The following BBLN variants were observed in gnomAD, a reference collection of about 807,000 sequenced individuals.
The protein encoded by BBLN is bublin coiled-coil protein.
Under a neutral mutation model 7.6 loss-of-function variants are expected in BBLN, and 6 were observed. The ratio of observed to expected loss-of-function variants is 0.79; its 90% CI spans 0.43 to 1.55. The LOEUF is 1.55. BBLN is among the 40% of genes most tolerant of loss of function. The pLI, the probability that BBLN is intolerant of heterozygous loss-of-function variation, is 0.01. For missense variants in BBLN, 100 were observed against 111.1 expected (o/e 0.90, Z 0.45); for synonymous variants, 35 against 46.7 (o/e 0.75, Z 1.02).
chr9:128,160,506 G>A lies in BBLN; in HGVS notation c.79+20G>A, dbSNP rs540267767. 1.1e-5 allele frequency: 14 copies of A among 1,279,888 alleles called. No individual in the cohort carries two copies. Among genetic ancestry groups the A allele is most frequent in the African/African-American group, 1.5e-5 (1 of 64,646 alleles). 79.3% of individuals were successfully genotyped at this position (1,279,888 alleles called of 1,614,324 possible). ...AAGCAGGTGACCCGAGGGGGCTGCT[G>A]GAGCAACCTTGCATTTTCAGGGCTG... On this transcript the variant is annotated intron_variant, in intron 1 of 1. Transcript: ENST00000372994.
chr9:128,160,315 T>A lies in BBLN; in HGVS notation c.-93T>A. On this transcript the variant is annotated 5_prime_UTR_variant, in exon 1 of 2. Coordinates refer to ENST00000372994, the MANE Select transcript of BBLN (RefSeq NM_024112.4). ...TTCTACCCTTCCGGCCCGTGTTCTATCCGCCGCCTCCACCTTCCATCCGGC... is the reference window on the plus strand; with the variant it reads ...TTCTACCCTTCCGGCCCGTGTTCTAACCGCCGCCTCCACCTTCCATCCGGC... 1.5e-6 allele frequency: 1 copy of A among 675,876 alleles called. No individual in the cohort carries two copies. Among genetic ancestry groups the A allele is most frequent in the East Asian group, 3.4e-5 (1 of 29,234 alleles). 41.9% of individuals were successfully genotyped at this position (675,876 alleles called of 1,614,324 possible). A position where few individuals can be genotyped will look rare whatever the true frequency, so the allele number is the denominator to read the frequency against.
chr9:128,160,439 C>T lies in BBLN; in HGVS notation c.32C>T (p.Pro11Leu), dbSNP rs551654104. 1,098 of 1,267,676 alleles carry T rather than the reference C, an allele frequency of 8.7e-4. 22 individuals carry two copies. In the South Asian group the frequency reaches 0.03, roughly 34 times the overall value. 78.5% of individuals were successfully genotyped at this position (1,267,676 alleles called of 1,614,324 possible). A position where few individuals can be genotyped will look rare whatever the true frequency, so the allele number is the denominator to read the frequency against. MSGPNGDLGM[P>L]VEAGAEGEED... The stretch of plus-strand genomic sequence containing the variant: ...GGCCCCAACGGAGACCTGGGGATGC[C>T]GGTGGAGGCGGGAGCGGAAGGCGAG... Residue 11 changes from proline to leucine, a missense_variant, in exon 1 of 2, where the codon CCG becomes CTG. Physicochemically the swap from Pro to Leu is moderately conservative, Grantham distance 98 (BLOSUM62 -3). Coordinates refer to ENST00000372994, the MANE Select transcript of BBLN (RefSeq NM_024112.4).
At position 128,163,748 on chromosome 9, in the gene BBLN, GC is replaced by G; in HGVS notation, c.*135del. On this transcript the variant is annotated 3_prime_UTR_variant, in exon 2 of 2. Coordinates refer to ENST00000372994, the MANE Select transcript of BBLN (RefSeq NM_024112.4). The surrounding 1 kb of genome is among the most constrained non-coding windows in gnomAD (Gnocchi z 5.7). ...ACCCCTGGTGGGTCTGCCTGCCTGG[GC>G]CACCCTTCCTGCCTGGGCCTCCCCT... The G allele has an allele frequency of 1.3e-6, 1 of 779,102 alleles. No homozygotes were observed. The highest frequency in any genetic ancestry group is 1.9e-6 in the Non-Finnish European group (1 of 524,784). The allele number at this position is 779,102 out of a possible 1,614,324, so 48.3% of individuals were successfully genotyped here.
rs1267882516 is a variant in BBLN, at chr9:128,160,368, G to A, written c.-40G>A. ...CGGCTTTCGGCGCGACGGTCGCCGC[G>A]TTCCATCGTCGCGCGGCCCTTCGGG... On this transcript the variant is annotated 5_prime_UTR_variant, in exon 1 of 2. Transcript: ENST00000372994. 1 of 1,198,234 alleles carries A rather than the reference G, an allele frequency of 8.3e-7. No homozygotes were observed. Among genetic ancestry groups the A allele is most frequent in the African/African-American group, 1.6e-5 (1 of 63,588 alleles). The allele number at this position is 1,198,234 out of a possible 1,614,324, so 74.2% of individuals were successfully genotyped here.
At chr9:128,161,087 C>CGAAAAAAAAAAA in intron 1 of BBLN, among the ~76,000 whole-genome samples, 1 of 125,946 alleles carries the variant, frequency 7.9e-6, no homozygotes, top group East Asian at 2.7e-4. Context: ...GAATTAAATG[C>CGAAAAAAAAAAA]AAAAAAAAGG....
Position 128,163,458 on chromosome 9 carries a change from A to C in BBLN, c.95A>C (p.Asn32Thr), listed in dbSNP as rs1202889806. The C allele has an allele frequency of 6.4e-7, 1 of 1,570,422 alleles. No homozygotes were observed. Among genetic ancestry groups the C allele is most frequent in the African/African-American group, 1.4e-5 (1 of 73,438 alleles). Residue 32 changes from asparagine to threonine, a missense_variant, in exon 2 of 2, where the codon AAC becomes ACC. Asn to Thr is a moderately conservative substitution (Grantham distance 65, BLOSUM62 0). Coordinates refer to ENST00000372994, the MANE Select transcript of BBLN (RefSeq NM_024112.4). This position sits in a 1 kb window ranked among gnomAD's most constrained non-coding sequence, Gnocchi z 5.7. Reference sequence around the variant, plus strand: ...TTCCTCCCAGAATACGCTGCCATCAACTCCATGCTGGACCAGATCAACTCC... The same window carrying C: ...TTCCTCCCAGAATACGCTGCCATCACCTCCATGCTGGACCAGATCAACTCC... Reference protein sequence around the residue: ...GFGEAEYAAINSMLDQINSCL... With the variant: ...GFGEAEYAAITSMLDQINSCL...
chr9:128,162,794 G>A (rs1022396720), intron 1 of BBLN: 8 of 153,974 alleles, frequency 5.2e-5, no homozygotes, highest in African/African-American at 1.9e-4. Flanking sequence ...CAGCATAGAG[G>A]CCTGATCCAG....
intron 1 of BBLN, chr9:128,162,819 T>C (rs1329306809): frequency 6.5e-6 from 1 of 153,752 alleles, no homozygotes; most frequent in Non-Finnish European, 1.5e-5. Context: ...GGGCATTGGG[T>C]GGGCTCCCGG....
At position 128,160,587 on chromosome 9, in the gene BBLN, C is replaced by T; in HGVS notation, c.79+101C>T. 3.6e-6 allele frequency: 3 copies of T among 838,162 alleles called. No homozygotes were observed. The South Asian group carries it at 6.8e-5, about 19-fold the overall frequency. The allele number at this position is 838,162 out of a possible 1,614,324, so 51.9% of individuals were successfully genotyped here. ...CTCGGAAGGGAACAAAGAGCCCACCCATTCCGCCCCGAGCGGGTCCGGAGT... is the reference window on the plus strand; with the variant it reads ...CTCGGAAGGGAACAAAGAGCCCACCTATTCCGCCCCGAGCGGGTCCGGAGT... On this transcript the variant is annotated intron_variant, in intron 1 of 1. Coordinates refer to ENST00000372994, the MANE Select transcript of BBLN (RefSeq NM_024112.4).
At chr9:128,162,225 C>T (rs572678621) in intron 1 of BBLN, 4 of 152,418 alleles carry the variant, frequency 2.6e-5, no homozygotes, top group African/African-American at 9.6e-5. Context: ...GTGGCTGGCT[C>T]TAGGCAACGG....
rs1229197133 is a variant in BBLN at position 128,163,394 on chromosome 9, GC to G, written c.80-45del. On this transcript the variant is annotated intron_variant, in intron 1 of 1. Coordinates refer to ENST00000372994, the MANE Select transcript of BBLN (RefSeq NM_024112.4). This position sits in a 1 kb window ranked among gnomAD's most constrained non-coding sequence, Gnocchi z 5.7. ...AACAGTGGAGGGAGGGTGTCCATTA[GC>G]CCCAAGGAGACACAGGATCTGGGCT... The G allele has an allele frequency of 1.4e-6, 2 of 1,472,544 alleles. No homozygotes were observed. The allele number at this position is 1,472,544 out of a possible 1,614,324, so 91.2% of individuals were successfully genotyped here.
At chr9:128,160,916 G>C (rs1829247934) in intron 1 of BBLN, among the ~76,000 whole-genome samples, 1 of 152,158 alleles carries the variant, frequency 6.6e-6, no homozygotes, top group Non-Finnish European at 1.5e-5. Flanking sequence ...TCACAGCCTT[G>C]CCAAATGTCA....
chr9:128,160,509 G>T, intron 1 of BBLN, 23 bp downstream of exon 1: 1 of 1,276,044 alleles, frequency 7.8e-7, no homozygotes, highest in Non-Finnish European at 1.0e-6. Context: ...GGCTGCTGGA[G>T]CAACCTTGCA....
At chr9:128,160,526 G>T in intron 1 of BBLN, 40 bp downstream of exon 1, 1 of 1,205,824 alleles carries the variant, frequency 8.3e-7, no homozygotes. Flanking sequence ...TGCATTTTCA[G>T]GGCTGCCCTC....
Position 128,163,305 on chromosome 9 carries a change from G to A in BBLN, c.80-138G>A, listed in dbSNP as rs1564229015. 9.1e-6 allele frequency: 6 copies of A among 658,500 alleles called. No individual in the cohort carries two copies. Among genetic ancestry groups the A allele is most frequent in the South Asian group, 5.9e-5 (2 of 33,642 alleles). 40.8% of individuals were successfully genotyped at this position (658,500 alleles called of 1,614,324 possible). On this transcript the variant is annotated intron_variant, in intron 1 of 1. Coordinates refer to ENST00000372994, the MANE Select transcript of BBLN (RefSeq NM_024112.4). The surrounding 1 kb of genome is among the most constrained non-coding windows in gnomAD (Gnocchi z 5.7). Reference sequence around the variant, plus strand: ...TTGGTATTCCACCCATTTTCCAGACGGTGACACTGAGGCTCAGGAAGCAGT... The same window carrying A: ...TTGGTATTCCACCCATTTTCCAGACAGTGACACTGAGGCTCAGGAAGCAGT...
chr9:128,160,356 G>T lies in BBLN; in HGVS notation c.-52G>T, dbSNP rs1384840831. On this transcript the variant is annotated 5_prime_UTR_variant, in exon 1 of 2. Transcript: ENST00000372994. ...TCCATCCGGCGCCGGCTTTCGGCGC[G>T]ACGGTCGCCGCGTTCCATCGTCGCG... 2.7e-6 allele frequency: 3 copies of T among 1,130,724 alleles called. No homozygotes were observed. The highest frequency in any genetic ancestry group is 4.0e-5 in the South Asian group (1 of 24,980). 70.0% of individuals were successfully genotyped at this position (1,130,724 alleles called of 1,614,324 possible). A position where few individuals can be genotyped will look rare whatever the true frequency, so the allele number is the denominator to read the frequency against.
rs1829248836 is a variant in BBLN at position 128,161,006 on chromosome 9, T to A, written c.79+520T>A. 2.0e-5 allele frequency among the ~76,000 whole-genome samples: 3 copies of A among 149,488 alleles called. No homozygotes were observed. In the South Asian group the frequency reaches 6.3e-4, roughly 31 times the overall value. On this transcript the variant is annotated intron_variant, in intron 1 of 1. Transcript: ENST00000372994. ...GAGAACCATCGGCTCCCTTCTCACC[T>A]TCTTCAGCCTCAGTTTCCCCCTCTA...
rs146674540 is a variant in BBLN, at chr9:128,163,071, C to T, written c.80-372C>T. ...CCTGAGGGAGCCACAGAAGGGCTGG[C>T]GAACAGGGCCCATCTGGGGACAGAG... On this transcript the variant is annotated intron_variant, in intron 1 of 1. Coordinates refer to ENST00000372994, the MANE Select transcript of BBLN (RefSeq NM_024112.4). The surrounding 1 kb of genome is among the most constrained non-coding windows in gnomAD (Gnocchi z 5.7). 242 of 168,030 alleles carry T rather than the reference C, an allele frequency of 1.4e-3. No homozygotes were observed. Among genetic ancestry groups the T allele is most frequent in the African/African-American group, 5.5e-3 (231 of 42,048 alleles). 10.4% of individuals were successfully genotyped at this position (168,030 alleles called of 1,614,324 possible).
At chr9:128,161,252 C>T (rs1829252060) in intron 1 of BBLN, among the ~76,000 whole-genome samples, 1 of 131,528 alleles carries the variant, frequency 7.6e-6, no homozygotes, top group South Asian at 2.8e-4. Context: ...TTTGGCGTAA[C>T]AGCTTTATTG....
Sources: gnomAD v4.1 joint callset for allele counts (sites outside exome capture counted in the v4.1 genomes callset) on GRCh38, gnomAD v4.1.1 for gene constraint, Gnocchi (gnomAD v3.1) non-coding constraint, MANE v1.5 for transcripts, NCBI Gene and HGNC (gene_info 2026-07-23, HGNC 2026-07-21) for gene names.